UTRN: variants seen among roughly 807,000 people sequenced by gnomAD.
The protein encoded by UTRN is dystrophin-related protein 1.
UTRN carries 283 observed loss-of-function variants against 463.9 expected under a neutral mutation model. The observed-to-expected ratio is 0.61, with a 90% CI of 0.55 to 0.67. UTRN has a LOEUF of 0.67. Ranked by LOEUF, UTRN falls within the 30% of genes least tolerant of loss-of-function variation. The pLI, the probability that UTRN is intolerant of heterozygous loss-of-function variation, is 0.00. For synonymous variants in UTRN, 1,442 were observed against 1,431.5 expected (o/e 1.01, Z -0.17); for missense variants, 3,922 against 4,084.3 (o/e 0.96, Z 1.08).
chr6:144,358,341 C>T (rs1162445760), intron 2 of UTRN, among the ~76,000 whole-genome samples: 1 of 152,212 alleles, frequency 6.6e-6, no homozygotes, highest in African/African-American at 2.4e-5. Flanking sequence ...TACATACACA[C>T]ACACTTTGTA....
chr6:144,737,481 G>A (rs1051330639), intron 54 of UTRN, among the ~76,000 whole-genome samples: 1 of 146,888 alleles, frequency 6.8e-6, no homozygotes, highest in Non-Finnish European at 1.5e-5. Flanking sequence ...GAATTATGGT[G>A]TGTGTATTTC....
intron 2 of UTRN, among the ~76,000 whole-genome samples, chr6:144,340,661 T>C (rs536778316): frequency 1.3e-5 from 2 of 152,320 alleles, no homozygotes; most frequent in East Asian, 1.9e-4. Context: ...TGAACAAAAT[T>C]TGATTACTGC....
At chr6:144,487,797 A>T in intron 29 of UTRN, 100 bp downstream of exon 29, 1 of 1,247,400 alleles carries the variant, frequency 8.0e-7, no homozygotes, top group Non-Finnish European at 1.1e-6. Flanking sequence ...AAAATCTTTA[A>T]TGTTGGTTAA....
intron 51 of UTRN, among the ~76,000 whole-genome samples, chr6:144,650,477 C>T (rs1431474098): frequency 3.9e-5 from 6 of 152,122 alleles, no homozygotes; most frequent in South Asian, 2.1e-4. Flanking sequence ...AATTCAATAA[C>T]GACTTTTGGT....
intron 51 of UTRN, among the ~76,000 whole-genome samples, chr6:144,638,023 T>A (rs1777367615): frequency 6.6e-6 from 1 of 152,240 alleles, no homozygotes; most frequent in Non-Finnish European, 1.5e-5. Flanking sequence ...GACACTACGC[T>A]GTATTTGTAT....
intron 51 of UTRN, among the ~76,000 whole-genome samples, chr6:144,585,364 A>T (rs1003757838): frequency 6.6e-6 from 1 of 152,170 alleles, no homozygotes; most frequent in Non-Finnish European, 1.5e-5. Flanking sequence ...TGCAAAATTA[A>T]CAACTGCCTG....
At chr6:144,385,634 T>G (rs890009849) in intron 2 of UTRN, among the ~76,000 whole-genome samples, 1 of 152,168 alleles carries the variant, frequency 6.6e-6, no homozygotes, top group Non-Finnish European at 1.5e-5. Context: ...ATTTACAAAT[T>G]TTTTCTTTTA....
At chr6:144,348,865 C>A (rs1476314521) in intron 2 of UTRN, among the ~76,000 whole-genome samples, 1 of 151,986 alleles carries the variant, frequency 6.6e-6, no homozygotes, top group African/African-American at 2.4e-5. Context: ...ACCTAGGAGG[C>A]AGAGGTTGTG....
intron 51 of UTRN, among the ~76,000 whole-genome samples, chr6:144,598,620 A>G (rs7750421): frequency 6.6e-6 from 1 of 152,194 alleles, no homozygotes; most frequent in Non-Finnish European, 1.5e-5. Context: ...GTATTTCAAA[A>G]TATGTCAAAG....
intron 51 of UTRN, among the ~76,000 whole-genome samples, chr6:144,612,344 A>G (rs1470892599): frequency 1.3e-5 from 2 of 152,066 alleles, no homozygotes; most frequent in Non-Finnish European, 2.9e-5. Context: ...GCCGTTCACC[A>G]GCAAAAATAG....
intron 37 of UTRN, 62 bp downstream of exon 37, chr6:144,514,882 C>T: frequency 1.4e-6 from 2 of 1,416,960 alleles, no homozygotes; most frequent in Non-Finnish European, 1.9e-6. Flanking sequence ...AAATGATAGT[C>T]ATACAGTACA....
In UTRN at chr6:144,774,408, C is replaced by T. The variant is rs7763934; in HGVS notation, c.8632+44C>T. ...GTTAATCAATCTGTTACTTGAATTG[C>T]GTTTTTTTTTTTTCCAAGAGGAAGA... On this transcript the variant is annotated intron_variant, in intron 60 of 74. Coordinates refer to ENST00000367545, the MANE Select transcript of UTRN (RefSeq NM_007124.3). The T allele has an allele frequency of 8.7e-3, 11,877 of 1,368,454 alleles. 835 individuals are homozygous for T. In the African/African-American group the frequency reaches 0.2, roughly 23 times the overall value. The allele number at this position is 1,368,454 out of a possible 1,614,324, so 84.8% of individuals were successfully genotyped here.
At chr6:144,497,210 T>G (rs1057074044) in intron 33 of UTRN, among the ~76,000 whole-genome samples, 1 of 152,134 alleles carries the variant, frequency 6.6e-6, no homozygotes, top group Non-Finnish European at 1.5e-5. Flanking sequence ...TGGTGAGAGA[T>G]GGTCGTACCT....
intron 51 of UTRN, among the ~76,000 whole-genome samples, chr6:144,648,124 G>A (rs1222683409): frequency 1.3e-5 from 2 of 152,194 alleles, no homozygotes; most frequent in African/African-American, 4.8e-5. Context: ...AGGTCAGACA[G>A]TGAGTTGACT....
intron 14 of UTRN, among the ~76,000 whole-genome samples, chr6:144,446,659 G>A (rs1264479919): frequency 1.3e-5 from 2 of 152,184 alleles, no homozygotes; most frequent in African/African-American, 4.8e-5. Context: ...GGCTTTGGGT[G>A]CTCTTCAGAC....
rs369351297 is a variant in UTRN at position 144,500,405 on chromosome 6, A to G, written c.4764+978A>G. Among the ~76,000 whole-genome samples the G allele has an allele frequency of 1.1e-4, 17 of 152,226 alleles. No individual in the cohort carries two copies. In the South Asian group the frequency reaches 1.2e-3, roughly 11 times the overall value. On this transcript the variant is annotated intron_variant, in intron 34 of 74. Transcript: ENST00000367545. ...TTTTCGTGTGTTGTTGGCTGCTAGT[A>G]TGTCCTTTTTGAAGTGTCTGTTCAT... is the stretch of plus-strand genomic sequence containing the variant.
intron 2 of UTRN, among the ~76,000 whole-genome samples, chr6:144,342,060 A>G (rs934837925): frequency 6.6e-6 from 1 of 152,330 alleles, no homozygotes; most frequent in East Asian, 1.9e-4. Flanking sequence ...CTGATTCTAG[A>G]AATGACATTT....
At chr6:144,551,889 A>G (rs1003383750) in intron 48 of UTRN, among the ~76,000 whole-genome samples, 7 of 152,132 alleles carry the variant, frequency 4.6e-5, no homozygotes, top group African/African-American at 1.7e-4. Flanking sequence ...TCCCAGGTGC[A>G]ATTCTACGCA....
rs1777066076 is a variant in UTRN at position 144,635,530 on chromosome 6, CTTTTCTTTTT to C, written c.7480-42871_7480-42862del. On this transcript the variant is annotated intron_variant, in intron 51 of 74. Transcript: ENST00000367545. ...TTTTTTTTTCTTTTTTTTTTTTTTTCTTTTCTTTTTTTTTTTTTTTTTTTTTTGAGAGGGA... is the reference window on the plus strand; with the variant it reads ...TTTTTTTTTCTTTTTTTTTTTTTTTCTTTTTTTTTTTTTTTTTGAGAGGGA... Among the ~76,000 whole-genome samples the C allele has an allele frequency of 1.5e-4, 9 of 59,094 alleles. No individual in the cohort carries two copies. The South Asian group carries it at 2.7e-3, about 17-fold the overall frequency. 38.8% of individuals were successfully genotyped at this position (59,094 alleles called of 152,430 possible).
Sources: allele counts gnomAD v4.1 joint callset (sites outside exome capture counted in the v4.1 genomes callset), GRCh38; gene constraint gnomAD v4.1.1; transcripts MANE v1.5; gene names NCBI Gene and HGNC (gene_info 2026-07-23, HGNC 2026-07-21).